The following RAB9B variants were observed in gnomAD, a reference collection of about 807,000 sequenced individuals.
RAB9B encodes RAB9B, member RAS oncogene family, also known as ras-related protein Rab-9B.
RAB9B carries 1 observed loss-of-function variant against 8.9 expected under a neutral mutation model. The observed-to-expected ratio is 0.11, with a 90% CI of 0.04 to 0.53. The LOEUF (loss-of-function observed/expected upper bound fraction) is 0.53, where lower values mean the gene tolerates loss of function less well. RAB9B is among the 20% of genes least tolerant of loss of function. RAB9B has a pLI of 0.93. For missense variants in RAB9B, 82 were observed against 152.9 expected (o/e 0.54, Z 2.45); for synonymous variants, 63 against 57.0 (o/e 1.10, Z -0.47).
the RAB9B span, among the ~76,000 whole-genome samples, chrX:103,803,162 C>T: frequency 2.7e-5 from 3 of 111,900 alleles, no homozygotes; most frequent in African/African-American, 9.7e-5. Context: ...AACAAACATT[C>T]CTGTACAAGT....
the RAB9B span, among the ~76,000 whole-genome samples, chrX:103,779,473 A>G: frequency 8.9e-6 from 1 of 111,970 alleles, no homozygotes; most frequent in Non-Finnish European, 1.9e-5. Context: ...GAATACCAGG[A>G]GCCAAAAATA....
At chrX:103,788,177 A>G in the RAB9B span, among the ~76,000 whole-genome samples, 1 of 111,905 alleles carries the variant, frequency 8.9e-6, no homozygotes, top group African/African-American at 3.3e-5. Context: ...TTTCTTGGCC[A>G]TTCACATTGG....
chrX:103,794,918 TGAC>T, the RAB9B span, among the ~76,000 whole-genome samples: 1 of 112,343 alleles, frequency 8.9e-6, no homozygotes, highest in Non-Finnish European at 1.9e-5. Context: ...TTGAATTGAT[TGAC>T]TTTATTCTAA....
chrX:103,791,409 A>G, the RAB9B span: 4 of 112,649 alleles, frequency 3.6e-5, no homozygotes, highest in Admixed American at 9.4e-5. Context: ...AGCTGAGAAT[A>G]GAAGGAAACT....
At chrX:103,785,410 G>A in the RAB9B span, among the ~76,000 whole-genome samples, 1 of 112,267 alleles carries the variant, frequency 8.9e-6, no homozygotes, top group Non-Finnish European at 1.9e-5. Context: ...ACAAAGTAAG[G>A]ATTCTGGGTC....
At chrX:103,783,389 T>C in the RAB9B span, among the ~76,000 whole-genome samples, 2 of 112,579 alleles carry the variant, frequency 1.8e-5, no homozygotes, top group Non-Finnish European at 3.8e-5. Flanking sequence ...CTGGCAGCAA[T>C]GCTTTAGTTC....
the RAB9B span, among the ~76,000 whole-genome samples, chrX:103,784,547 A>G: frequency 8.9e-6 from 1 of 111,978 alleles, no homozygotes; most frequent in Non-Finnish European, 1.9e-5. Context: ...CTCCTCCCAT[A>G]TGTAAACTAA....
At chrX:103,820,350 GA>G (rs940547467), downstream of RAB9B, among the ~76,000 whole-genome samples, 5 of 111,373 alleles carry the variant, frequency 4.5e-5, no homozygotes, top group Admixed American at 1.9e-4. Flanking sequence ...GATCACTGAG[GA>G]AAAAAAATTG....
chrX:103,825,380 A>C lies in RAB9B; in HGVS notation c.405T>G (p.Thr135=), dbSNP rs1284490960. 1 of 1,211,883 alleles carries C rather than the reference A, an allele frequency of 8.3e-7. No individual in the cohort carries two copies. ...CCATGCACCAGGTTTGTGCCTCCTC[A>C]GTAGTCACTTGCCTATCCTCTTTGT... The part of the protein sequence containing the change: ...KVDKEDRQVT[T]EEAQTWCMEN... The change falls in exon 3 of 3, where the codon ACT becomes ACG. Residue 135 remains threonine, a synonymous_variant. Coordinates refer to ENST00000243298, the MANE Select transcript of RAB9B (RefSeq NM_016370.4).
the RAB9B span, among the ~76,000 whole-genome samples, chrX:103,799,891 C>T: frequency 6.8e-4 from 76 of 111,130 alleles, no homozygotes; most frequent in Middle Eastern, 4.6e-3. Context: ...GGATGCGGGG[C>T]GGGGGACTCC....
chrX:103,820,983 T>C (rs1977338), downstream of RAB9B, among the ~76,000 whole-genome samples: 1,925 of 20,873 alleles, frequency 0.092, 180 homozygotes, highest in African/African-American at 0.18. Context: ...CACACACACA[T>C]ACACACACAC....
At chrX:103,784,237 G>A in the RAB9B span, among the ~76,000 whole-genome samples, 1 of 111,733 alleles carries the variant, frequency 8.9e-6, no homozygotes, top group African/African-American at 3.3e-5. Context: ...GGGGATCTCA[G>A]GGACTCTTAG....
rs766888120 is a variant in RAB9B, at chrX:103,823,304, G to T, written c.*1875C>A. The stretch of plus-strand genomic sequence containing the variant: ...AGTACTTAAGAGCTGTGGGGTCCCA[G>T]TTCTGGCTTTGACTTCTGGCGTCAA... On this transcript the variant is annotated 3_prime_UTR_variant, in exon 3 of 3. Coordinates refer to ENST00000243298, the MANE Select transcript of RAB9B (RefSeq NM_016370.4). The T allele has an allele frequency of 1.6e-3, 177 of 112,191 alleles. 2 individuals are homozygous for T. Among genetic ancestry groups the T allele is most frequent in the African/African-American group, 5.1e-3 (158 of 30,867 alleles). 9.2% of individuals were successfully genotyped at this position (112,191 alleles called of 1,213,427 possible).
At chrX:103,790,848 A>T in the RAB9B span, 3 of 398,045 alleles carry the variant, frequency 7.5e-6, no homozygotes, top group Non-Finnish European at 1.3e-5. Context: ...TAAGAAGATG[A>T]CTTCCCAACT....
At chrX:103,777,113 C>A in the RAB9B span, 4 of 624,574 alleles carry the variant, frequency 6.4e-6, no homozygotes, top group Non-Finnish European at 1.1e-5. Context: ...TGTTTTGGCA[C>A]TTGTTTTCTT....
rs1394502600 is a variant in RAB9B, at chrX:103,832,167, C to G, written c.-224G>C. The G allele has an allele frequency of 8.9e-6, 1 of 111,874 alleles. No homozygotes were observed. The highest frequency in any genetic ancestry group is 3.2e-5 in the African/African-American group (1 of 30,848). 9.2% of individuals were successfully genotyped at this position (111,874 alleles called of 1,213,427 possible). On this transcript the variant is annotated 5_prime_UTR_variant, in exon 1 of 3. Coordinates refer to ENST00000243298, the MANE Select transcript of RAB9B (RefSeq NM_016370.4). ...GTCACCGTCACTGCTCCTGCTGCCT[C>G]CTCGTCCTCAATGGGGCAGCAAGTG...
the RAB9B span, among the ~76,000 whole-genome samples, chrX:103,797,370 C>G: frequency 8.9e-6 from 1 of 112,261 alleles, no homozygotes; most frequent in African/African-American, 3.2e-5. Flanking sequence ...AGCCACTGCT[C>G]CCAGCCCCAA....
rs765871879 is a variant in RAB9B at position 103,831,255 on chromosome X, CTTGGCG to C, written c.-117+799_-117+804del. 3.6e-5 allele frequency among the ~76,000 whole-genome samples: 4 copies of C among 109,804 alleles called. No homozygotes were observed. In the East Asian group the frequency reaches 1.1e-3, roughly 32 times the overall value. On this transcript the variant is annotated intron_variant, in intron 1 of 2. Coordinates refer to ENST00000243298, the MANE Select transcript of RAB9B (RefSeq NM_016370.4). ...AGTGTGTTTCCAATACAACCCAATA[CTTGGCG>C]TTGGTGCTGGTGGTGGGTGCTTCGT...
chrX:103,791,245 C>T, the RAB9B span: 2 of 115,185 alleles, frequency 1.7e-5, no homozygotes, highest in Non-Finnish European at 3.6e-5. Flanking sequence ...CTCAGCCAAC[C>T]TTACTTACAG....
Sources: gnomAD v4.1 joint callset for allele counts (sites outside exome capture counted in the v4.1 genomes callset) on GRCh38, gnomAD v4.1.1 for gene constraint, MANE v1.5 for transcripts, NCBI Gene and HGNC (gene_info 2026-07-23, HGNC 2026-07-21) for gene names.